The following CFAP47 variants were observed in gnomAD, a reference collection of about 807,000 sequenced individuals.
The protein encoded by CFAP47 is cilia and flagella associated protein 47.
A neutral mutation model predicts 148.1 loss-of-function variants in CFAP47; 29 were observed. The ratio of observed to expected loss-of-function variants is 0.20; its 90% CI spans 0.15 to 0.27. The LOEUF (loss-of-function observed/expected upper bound fraction) is 0.27, where lower values mean the gene tolerates loss of function less well. Ranked by LOEUF, CFAP47 falls within the 10% of genes least tolerant of loss-of-function variation. The pLI, the probability that CFAP47 is intolerant of heterozygous loss-of-function variation, is 1.00. For synonymous variants in CFAP47, 664 were observed against 577.3 expected (o/e 1.15, Z -2.15); for missense variants, 1,872 against 1,697.5 (o/e 1.10, Z -1.81).
At chrX:36,291,274 T>C (rs1382358798) in intron 51 of CFAP47, among the ~76,000 whole-genome samples, 6 of 112,370 alleles carry the variant, frequency 5.3e-5, no homozygotes, top group Non-Finnish European at 1.1e-4. Context: ...TATTGTACCT[T>C]GGAAATTTTG....
intron 51 of CFAP47, among the ~76,000 whole-genome samples, chrX:36,295,518 G>C (rs1275391084): frequency 1.8e-5 from 2 of 111,733 alleles, no homozygotes; most frequent in African/African-American, 6.5e-5. Context: ...TCTCAAAATG[G>C]TTATGCATTT....
chrX:36,182,515 T>C (rs1939762267), intron 40 of CFAP47, among the ~76,000 whole-genome samples: 1 of 111,987 alleles, frequency 8.9e-6, no homozygotes, highest in Non-Finnish European at 1.9e-5. Context: ...AAAATAATAC[T>C]TAGTAACGTT....
At chrX:36,373,544 T>C (rs1011704517) in intron 62 of CFAP47, among the ~76,000 whole-genome samples, 6 of 111,388 alleles carry the variant, frequency 5.4e-5, no homozygotes, top group Non-Finnish European at 7.5e-5. Flanking sequence ...TATTTCTTCC[T>C]TTCTGATTTG....
intron 15 of CFAP47, among the ~76,000 whole-genome samples, chrX:35,983,842 T>C (rs1411393195): frequency 1.8e-5 from 2 of 112,232 alleles, no homozygotes; most frequent in Non-Finnish European, 3.8e-5. Context: ...AGCTTTCTGA[T>C]GTGCTGTTGG....
At chrX:36,105,686 C>T (rs1269628215) in intron 33 of CFAP47, among the ~76,000 whole-genome samples, 1 of 111,279 alleles carries the variant, frequency 9.0e-6, no homozygotes, top group Non-Finnish European at 1.9e-5. Flanking sequence ...ATATATTTGC[C>T]CCATTAAAAT....
chrX:36,276,765 T>A (rs942163064), intron 49 of CFAP47, among the ~76,000 whole-genome samples: 2 of 112,138 alleles, frequency 1.8e-5, no homozygotes, highest in Non-Finnish European at 3.8e-5. Context: ...TTAGAAAGAA[T>A]TGGTTCTCAG....
intron 33 of CFAP47, among the ~76,000 whole-genome samples, chrX:36,122,442 G>T (rs1242554271): frequency 2.7e-5 from 3 of 110,628 alleles, no homozygotes; most frequent in African/African-American, 9.9e-5. Flanking sequence ...TCTTAGATTT[G>T]CCCTTTTGAG....
chrX:36,329,334 T>C (rs1291032952), intron 57 of CFAP47, among the ~76,000 whole-genome samples: 1 of 111,239 alleles, frequency 9.0e-6, no homozygotes, highest in East Asian at 2.8e-4. Context: ...CAAACTCAAA[T>C]TGAGGGATAT....
intron 57 of CFAP47, among the ~76,000 whole-genome samples, chrX:36,344,291 C>A (rs1602118191): frequency 5.3e-5 from 5 of 94,835 alleles, no homozygotes; most frequent in African/African-American, 8.0e-5. Flanking sequence ...TGCAGAATAG[C>A]AAAACTGAAG....
At position 36,054,804 on chromosome X, in the gene CFAP47, G is replaced by C. The variant is rs961370837; in HGVS notation, c.4217+7741G>C. ...CTCTTTTTTTTTGAGATGGAGTCTC[G>C]CTCTGTCACCCAGGCTGGAGTGCAG... On this transcript the variant is annotated intron_variant, in intron 26 of 63. Transcript: ENST00000378653. 6.4e-5 allele frequency among the ~76,000 whole-genome samples: 7 copies of C among 109,998 alleles called. No homozygotes were observed. In the East Asian group the frequency reaches 1.7e-3, roughly 27 times the overall value.
chrX:35,941,497 A>G, intron 3 of CFAP47, 99 bp downstream of exon 3: 2 of 442,067 alleles, frequency 4.5e-6, no homozygotes, highest in Non-Finnish European at 7.4e-6. Flanking sequence ...AACTGAAAAA[A>G]GGTCTATCAT....
chrX:35,969,934 T>A (rs1327935269), intron 10 of CFAP47, among the ~76,000 whole-genome samples: 1 of 111,474 alleles, frequency 9.0e-6, no homozygotes, highest in Non-Finnish European at 1.9e-5. Flanking sequence ...TCATTATACT[T>A]TAAGTTCTAG....
intron 57 of CFAP47, among the ~76,000 whole-genome samples, chrX:36,341,324 C>T (rs1941651674): frequency 9.0e-6 from 1 of 111,021 alleles, no homozygotes; most frequent in African/African-American, 3.3e-5. Flanking sequence ...CGTGAGCCAC[C>T]GCGCCTGGCC....
intron 40 of CFAP47, among the ~76,000 whole-genome samples, chrX:36,182,509 T>C (rs1231823347): frequency 1.8e-5 from 2 of 111,972 alleles, no homozygotes; most frequent in East Asian, 2.8e-4. Flanking sequence ...CTTAATAAAA[T>C]AATACTTAGT....
intron 1 of CFAP47, among the ~76,000 whole-genome samples, chrX:35,922,733 A>G (rs758158550): frequency 8.9e-6 from 1 of 112,585 alleles, no homozygotes; most frequent in African/African-American, 3.2e-5. Flanking sequence ...CCACTTCTCT[A>G]TATCCTTAAT....
At chrX:36,297,315 A>G (rs17273238) in intron 51 of CFAP47, among the ~76,000 whole-genome samples, 20,509 of 111,130 alleles carry the variant, frequency 0.18, 1,465 homozygotes, top group South Asian at 0.31. Context: ...TCTGCCTTGA[A>G]GATATGTTCC....
At chrX:36,234,422 C>T (rs1940422205) in intron 46 of CFAP47, among the ~76,000 whole-genome samples, 1 of 112,217 alleles carries the variant, frequency 8.9e-6, no homozygotes, top group Non-Finnish European at 1.9e-5. Context: ...CCTGAGGCTT[C>T]TCCATTCTTC....
intron 1 of CFAP47, among the ~76,000 whole-genome samples, chrX:35,924,396 T>G (rs1160362306): frequency 9.5e-6 from 1 of 105,570 alleles, no homozygotes; most frequent in Non-Finnish European, 1.9e-5. Context: ...TATGTGTATA[T>G]ATGCACACAC....
At chrX:36,262,705 G>T (rs1473680410) in intron 49 of CFAP47, among the ~76,000 whole-genome samples, 2 of 112,068 alleles carry the variant, frequency 1.8e-5, no homozygotes, top group Non-Finnish European at 3.8e-5. Flanking sequence ...TTGATATATT[G>T]ATTTCCTTTC....
Sources: allele counts gnomAD v4.1 joint callset (sites outside exome capture counted in the v4.1 genomes callset), GRCh38; gene constraint gnomAD v4.1.1; transcripts MANE v1.5; gene names NCBI Gene and HGNC (gene_info 2026-07-23, HGNC 2026-07-21).